The following ZNF638 variants were observed in gnomAD, a reference collection of about 807,000 sequenced individuals.
ZNF638 encodes zinc finger protein 638, also known as CTCL tumor antigen se33-1.
ZNF638 carries 46 observed loss-of-function variants against 195.6 expected under a neutral mutation model. The observed-to-expected ratio is 0.24, with a 90% CI of 0.19 to 0.30. The LOEUF (loss-of-function observed/expected upper bound fraction) is 0.30. ZNF638 is among the 10% of genes least tolerant of loss of function. ZNF638 has a pLI of 1.00. For synonymous variants in ZNF638, 845 were observed against 772.0 expected (o/e 1.09, Z -1.57); for missense variants, 2,440 against 2,325.3 (o/e 1.05, Z -1.01).
At chr2:71,359,281 T>A (rs886342529) in intron 3 of ZNF638, among the ~76,000 whole-genome samples, 5 of 152,192 alleles carry the variant, frequency 3.3e-5, no homozygotes, top group Non-Finnish European at 7.3e-5. Context: ...CCAAGGAAGC[T>A]GATAGCATAA....
chr2:71,337,779 T>C (rs1161540325), intron 1 of ZNF638, among the ~76,000 whole-genome samples: 2 of 152,216 alleles, frequency 1.3e-5, no homozygotes, highest in Non-Finnish European at 2.9e-5. Context: ...TAGCAGTTTT[T>C]TTTTCCCCCT....
chr2:71,393,508 C>T (rs2079830162), intron 10 of ZNF638: 2 of 717,820 alleles, frequency 2.8e-6, no homozygotes, highest in South Asian at 1.5e-5. Flanking sequence ...CCAGACAACA[C>T]AGCTTCCTCA....
chr2:71,364,543 TA>T (rs1172107168), intron 5 of ZNF638, among the ~76,000 whole-genome samples: 1 of 152,204 alleles, frequency 6.6e-6, no homozygotes, highest in African/African-American at 2.4e-5. Context: ...TTTTTGAGAT[TA>T]TTTTTTTTAA....
At chr2:71,362,539 T>C (rs2079127356) in intron 3 of ZNF638, among the ~76,000 whole-genome samples, 1 of 152,200 alleles carries the variant, frequency 6.6e-6, no homozygotes, top group Admixed American at 6.5e-5. Context: ...TTTCCCCCTT[T>C]ATAATTCCTT....
intron 23 of ZNF638, among the ~76,000 whole-genome samples, chr2:71,425,212 T>C (rs1188781435): frequency 6.6e-6 from 1 of 152,212 alleles, no homozygotes; most frequent in African/African-American, 2.4e-5. Context: ...GTTTTTACCA[T>C]TCATAGAATT....
chr2:71,386,008 A>T (rs117954783), intron 10 of ZNF638, among the ~76,000 whole-genome samples: 5 of 152,204 alleles, frequency 3.3e-5, no homozygotes, highest in Non-Finnish European at 7.3e-5. Flanking sequence ...TGTTAATTCA[A>T]TACTACCATA....
intron 10 of ZNF638, among the ~76,000 whole-genome samples, chr2:71,384,507 A>G (rs1424932388): frequency 1.3e-5 from 2 of 152,102 alleles, no homozygotes; most frequent in Non-Finnish European, 2.9e-5. Context: ...TTCTTTATTT[A>G]TGCTGTCTAT....
At chr2:71,386,516 A>T (rs2079643653) in intron 10 of ZNF638, among the ~76,000 whole-genome samples, 1 of 152,156 alleles carries the variant, frequency 6.6e-6, no homozygotes, top group African/African-American at 2.4e-5. Flanking sequence ...AAAACTAATA[A>T]CCATTAACCA....
At chr2:71,381,841 A>G (rs2079539957) in intron 10 of ZNF638, among the ~76,000 whole-genome samples, 1 of 152,282 alleles carries the variant, frequency 6.6e-6, no homozygotes, top group Middle Eastern at 3.4e-3. Flanking sequence ...GATAAGAGCT[A>G]GTAAAAATTG....
chr2:71,351,284 C>G (rs559469537), intron 2 of ZNF638, among the ~76,000 whole-genome samples: 5 of 152,138 alleles, frequency 3.3e-5, no homozygotes, highest in Admixed American at 2.6e-4. Flanking sequence ...ACTAGGTTTT[C>G]GTCAACATGA....
chr2:71,428,641 G>A lies in ZNF638; in HGVS notation c.5640G>A (p.Gln1880=). ...CAGCAAAAGGTGAAGAGGCCTTCCA[G>A]ATGAGTGAAGGTAAAGCAGGATTGT... ...TEPAKGEEAF[Q]MSEVDEESGL... is the part of the protein sequence containing the mutation. Residue 1880 remains glutamine, a synonymous_variant, in exon 25 of 28, where the codon CAG becomes CAA. Coordinates refer to ENST00000264447, the MANE Select transcript of ZNF638 (RefSeq NM_014497.5). 6.2e-7 allele frequency: 1 copy of A among 1,613,536 alleles called. No individual in the cohort carries two copies. The highest frequency in any genetic ancestry group is 8.5e-7 in the Non-Finnish European group (1 of 1,179,674).
intron 3 of ZNF638, among the ~76,000 whole-genome samples, chr2:71,362,318 T>C (rs181675063): frequency 7.6e-4 from 116 of 152,360 alleles, no homozygotes; most frequent in African/African-American, 2.7e-3. Flanking sequence ...AATTGCGGCT[T>C]CTACATGCCT....
Position 71,399,541 on chromosome 2 carries a change from T to C in ZNF638, c.2501-18T>C. The C allele has an allele frequency of 6.4e-7, 1 of 1,570,960 alleles. No individual in the cohort carries two copies. Among genetic ancestry groups the C allele is most frequent in the Non-Finnish European group, 8.7e-7 (1 of 1,148,612 alleles). The stretch of plus-strand genomic sequence containing the variant: ...TTAACAAGACCTTTAGAATAATGGC[T>C]GACTGTACTTTTACAAGCAAAATCT... On this transcript the variant is annotated intron_variant, in intron 12 of 27. Transcript: ENST00000264447.
intron 8 of ZNF638, chr2:71,375,446 G>A (rs1441581476): frequency 6.6e-6 from 1 of 152,124 alleles, no homozygotes; most frequent in Non-Finnish European, 1.5e-5. Flanking sequence ...GCACCTTCTG[G>A]CATCTTTTCT....
intron 21 of ZNF638, among the ~76,000 whole-genome samples, chr2:71,419,958 T>TTCCC (rs1558881346): frequency 9.0e-4 from 24 of 26,558 alleles, no homozygotes; most frequent in Admixed American, 3.1e-3. Flanking sequence ...ACTTCTTAAT[T>TTCCC]CCCACCCCCC....
chr2:71,432,692 AC>A lies in ZNF638; in HGVS notation c.5753-472del, dbSNP rs879659521. Among the ~76,000 whole-genome samples, 6 of 111,604 alleles carry A rather than the reference AC, an allele frequency of 5.4e-5. No homozygotes were observed. In the South Asian group the frequency reaches 1.3e-3, roughly 24 times the overall value. 73.2% of individuals were successfully genotyped at this position (111,604 alleles called of 152,430 possible). On this transcript the variant is annotated intron_variant, in intron 26 of 27. Coordinates refer to ENST00000264447, the MANE Select transcript of ZNF638 (RefSeq NM_014497.5). ...GAATGTGTTAACGAAATAAAGACTTACGTTTTCTGATTAAAATTACTACTAT... is the reference window on the plus strand; with the variant it reads ...GAATGTGTTAACGAAATAAAGACTTAGTTTTCTGATTAAAATTACTACTAT...
intron 14 of ZNF638, 109 bp downstream of exon 14, chr2:71,400,289 A>G: frequency 9.2e-7 from 1 of 1,081,598 alleles, no homozygotes; most frequent in East Asian, 2.6e-5. Context: ...TTAATCTGAA[A>G]TTTTGATCTC....
intron 10 of ZNF638, among the ~76,000 whole-genome samples, chr2:71,395,077 T>G (rs2079864782): frequency 6.6e-6 from 1 of 152,116 alleles, no homozygotes; most frequent in Non-Finnish European, 1.5e-5. Flanking sequence ...GTAAAGCAAC[T>G]TAAAACTAAA....
chr2:71,338,857 T>C (rs973677562), intron 1 of ZNF638, among the ~76,000 whole-genome samples: 6 of 152,242 alleles, frequency 3.9e-5, no homozygotes, highest in African/African-American at 1.4e-4. Context: ...ATTTTAAAAA[T>C]ATATGTAAAT....
Sources: allele counts gnomAD v4.1 joint callset (sites outside exome capture counted in the v4.1 genomes callset), GRCh38; gene constraint gnomAD v4.1.1; transcripts MANE v1.5; gene names NCBI Gene and HGNC (gene_info 2026-07-23, HGNC 2026-07-21).